The following DLGAP2 variants were observed in gnomAD, a reference collection of about 807,000 sequenced individuals.
The protein encoded by DLGAP2 is disks large-associated protein 2.
Under a neutral mutation model 100.3 loss-of-function variants are expected in DLGAP2, and 26 were observed. The ratio of observed to expected loss-of-function variants is 0.26; its 90% CI spans 0.19 to 0.36. DLGAP2 has a LOEUF of 0.36. Ranked by LOEUF, DLGAP2 falls within the 10% of genes least tolerant of loss-of-function variation. The pLI is 1.00. For missense variants in DLGAP2, 1,858 were observed against 1,453.2 expected (o/e 1.28, Z -4.53); for synonymous variants, 886 against 630.1 (o/e 1.41, Z -6.08).
At chr8:1,662,054 G>A (rs978416265) in intron 8 of DLGAP2, among the ~76,000 whole-genome samples, 6 of 152,234 alleles carry the variant, frequency 3.9e-5, no homozygotes, top group African/African-American at 1.4e-4. Context: ...CACAGTCACA[G>A]GGCTGCCGCA....
At chr8:1,210,392 A>T (rs1471181933) in intron 2 of DLGAP2, among the ~76,000 whole-genome samples, 3 of 152,208 alleles carry the variant, frequency 2.0e-5, no homozygotes, top group African/African-American at 7.2e-5. Flanking sequence ...CAGCAGGGGA[A>T]CTTGAGATGT....
intron 1 of DLGAP2, among the ~76,000 whole-genome samples, chr8:906,135 A>G (rs1349409518): frequency 1.3e-5 from 2 of 152,258 alleles, no homozygotes; most frequent in African/African-American, 2.4e-5. Context: ...AGCAGCACCC[A>G]GCAGAGCAGC....
intron 3 of DLGAP2, among the ~76,000 whole-genome samples, chr8:1,483,746 G>A (rs1262784656): frequency 6.6e-6 from 1 of 151,672 alleles, no homozygotes; most frequent in East Asian, 2.0e-4. Context: ...AGAATGTGGG[G>A]ACCAGGGAGG....
chr8:749,180 G>T lies in DLGAP2; in HGVS notation c.18+11355G>T, dbSNP rs1411143239. On this transcript the variant is annotated intron_variant, in intron 1 of 14. Coordinates refer to ENST00000637795, the MANE Select transcript of DLGAP2 (RefSeq NM_001346810.2). ...CACTTTTAATATTTTCAGTAAAGCT[G>T]GGGTTTGGCTATATTGCCCAGTCTG... is the stretch of plus-strand genomic sequence containing the variant. Among the ~76,000 whole-genome samples the T allele has an allele frequency of 4.6e-5, 7 of 152,266 alleles. No homozygotes were observed. The East Asian group carries it at 1.4e-3, about 29-fold the overall frequency.
intron 1 of DLGAP2, among the ~76,000 whole-genome samples, chr8:782,059 C>T (rs1821703598): frequency 6.6e-6 from 1 of 151,836 alleles, no homozygotes; most frequent in Non-Finnish European, 1.5e-5. Context: ...TTTCAAAATA[C>T]CTGGAAGAGA....
chr8:948,970 C>G (rs956299941), intron 2 of DLGAP2, among the ~76,000 whole-genome samples: 1 of 144,266 alleles, frequency 6.9e-6, no homozygotes, highest in African/African-American at 2.9e-5. Flanking sequence ...GCGTGACTGC[C>G]GCCATCTTGA....
At chr8:1,301,222 A>G (rs558215951) in intron 3 of DLGAP2, 1 of 152,396 alleles carries the variant, frequency 6.6e-6, no homozygotes, top group Non-Finnish European at 1.5e-5. Flanking sequence ...TCGATACCTG[A>G]CGTGGGAGCT....
At chr8:1,678,109 A>C in intron 11 of DLGAP2, 105 bp from the exon 12 acceptor site, 1 of 1,318,816 alleles carries the variant, frequency 7.6e-7, no homozygotes, top group Non-Finnish European at 1.0e-6. Context: ...TTGAGCCGCC[A>C]GGCTGTTGAG....
intron 2 of DLGAP2, among the ~76,000 whole-genome samples, chr8:1,055,464 G>T (rs1048825747): frequency 6.6e-6 from 1 of 152,138 alleles, no homozygotes; most frequent in African/African-American, 2.4e-5. Context: ...ACTTTATCTG[G>T]TTTACTGTTA....
At chr8:1,497,478 T>C (rs1799582031) in intron 3 of DLGAP2, among the ~76,000 whole-genome samples, 1 of 152,166 alleles carries the variant, frequency 6.6e-6, no homozygotes. Flanking sequence ...GGCCCATCTT[T>C]CCAATGACTG....
At position 1,539,560 on chromosome 8, in the gene DLGAP2, C is replaced by T. The variant is rs529405599; in HGVS notation, c.173-9066C>T. Among the ~76,000 whole-genome samples the T allele has an allele frequency of 2.4e-4, 36 of 152,168 alleles. No homozygotes were observed. In the South Asian group the frequency reaches 2.9e-3, roughly 12 times the overall value. ...GGTGCACTGAGCCTTGCCAGGGTCCCGCACCCTCACCGGGAGCTGTGATGG... is the reference window on the plus strand; with the variant it reads ...GGTGCACTGAGCCTTGCCAGGGTCCTGCACCCTCACCGGGAGCTGTGATGG... On this transcript the variant is annotated intron_variant, in intron 4 of 14. Coordinates refer to ENST00000637795, the MANE Select transcript of DLGAP2 (RefSeq NM_001346810.2).
chr8:1,366,415 C>A (rs558660658), intron 3 of DLGAP2, among the ~76,000 whole-genome samples: 9 of 152,284 alleles, frequency 5.9e-5, no homozygotes, highest in African/African-American at 1.7e-4. Flanking sequence ...GAGAACCAAG[C>A]GCACTGTGTC....
intron 2 of DLGAP2, among the ~76,000 whole-genome samples, chr8:1,157,719 C>G (rs530898751): frequency 6.6e-6 from 1 of 152,286 alleles, no homozygotes; most frequent in South Asian, 2.1e-4. Flanking sequence ...ACACATGGCA[C>G]CATGACAAGA....
intron 2 of DLGAP2, among the ~76,000 whole-genome samples, chr8:1,217,354 A>T (rs921267034): frequency 3.9e-5 from 6 of 152,140 alleles, no homozygotes; most frequent in East Asian, 3.9e-4. Flanking sequence ...TACCTAGTTC[A>T]TCATTGCTGG....
Position 1,549,011 on chromosome 8 carries a change from C to A in DLGAP2, c.558C>A (p.Asn186Lys). 6.3e-7 allele frequency: 1 copy of A among 1,598,098 alleles called. No homozygotes were observed. The highest frequency in any genetic ancestry group is 8.5e-7 in the Non-Finnish European group (1 of 1,178,128). ...TGGCCCACGCGGGCGCCAAGATCAA[C>A]CGCATCCCGGCCAACCTGCTGGACC... Reference protein sequence around the residue: ...CAVAHAGAKINRIPANLLDQF... With the variant: ...CAVAHAGAKIKRIPANLLDQF... Residue 186 changes from asparagine to lysine, a missense_variant, in exon 5 of 15, where the codon AAC (asparagine) becomes AAA (lysine). By Grantham distance (94) the Asn-to-Lys change is moderately conservative. Transcript: ENST00000637795.
intron 3 of DLGAP2, among the ~76,000 whole-genome samples, chr8:1,412,396 C>A (rs1206930672): frequency 6.6e-6 from 1 of 152,226 alleles, no homozygotes; most frequent in Non-Finnish European, 1.5e-5. Flanking sequence ...AAAAGGTTCT[C>A]AGAGTCTCAC....
At chr8:916,966 C>T (rs1331084146) in intron 2 of DLGAP2, among the ~76,000 whole-genome samples, 1 of 152,196 alleles carries the variant, frequency 6.6e-6, no homozygotes, top group Non-Finnish European at 1.5e-5. Context: ...CCATAGCCTT[C>T]CTCAGGACTG....
intron 6 of DLGAP2, among the ~76,000 whole-genome samples, chr8:1,586,608 G>A (rs113853905): frequency 5.4e-4 from 82 of 152,300 alleles, no homozygotes; most frequent in African/African-American, 1.8e-3. Flanking sequence ...AGCGTAACGT[G>A]TTCACAGATG....
At chr8:1,556,886 T>C (rs1801982450) in intron 5 of DLGAP2, among the ~76,000 whole-genome samples, 1 of 152,148 alleles carries the variant, frequency 6.6e-6, no homozygotes, top group Non-Finnish European at 1.5e-5. Flanking sequence ...TCAGCTGAGA[T>C]GTACATCCCG....
Sources: gnomAD v4.1 joint callset for allele counts (sites outside exome capture counted in the v4.1 genomes callset) on GRCh38, gnomAD v4.1.1 for gene constraint, MANE v1.5 for transcripts, NCBI Gene and HGNC (gene_info 2026-07-23, HGNC 2026-07-21) for gene names.